The following NLGN1 variants were observed in gnomAD, a reference collection of about 807,000 sequenced individuals.
NLGN1 encodes neuroligin 1.
NLGN1 carries 12 observed loss-of-function variants against 65.5 expected under a neutral mutation model. The observed-to-expected ratio is 0.18, with a 90% CI of 0.12 to 0.30. The LOEUF (loss-of-function observed/expected upper bound fraction) is 0.30, where lower values mean the gene tolerates loss of function less well. Among genes scored for constraint, NLGN1 ranks in the 10% least tolerant of loss-of-function variants. The probability of loss-of-function intolerance (pLI) is 1.00; values close to 1 mark genes in which losing one functional copy is unlikely to be tolerated. For missense variants in NLGN1, 750 were observed against 1,007.1 expected, an observed-to-expected ratio of 0.74 and a Z score of 3.46; for synonymous variants, 350 against 359.5, an observed-to-expected ratio of 0.97 and a Z score of 0.30.
rs573764759 is a variant in NLGN1 at position 173,748,187 on chromosome 3, T to C, written c.494-59493T>C. 5.1e-4 allele frequency among the ~76,000 whole-genome samples: 78 copies of C among 152,228 alleles called. 1 individual carries two copies. Among genetic ancestry groups the C allele is most frequent in the Non-Finnish European group, 8.5e-4 (58 of 67,994 alleles). ...CAGAAATAACTGCATTGTTTTACTT[T>C]TGTTGTAAGACTCAAGAAAGATTTT... On this transcript the variant is annotated intron_variant, in intron 3 of 6. Coordinates refer to ENST00000457714, the Ensembl canonical transcript of NLGN1.
At chr3:173,508,760 A>G (rs1188694633) in intron 2 of NLGN1, among the ~76,000 whole-genome samples, 1 of 152,046 alleles carries the variant, frequency 6.6e-6, no homozygotes, top group Non-Finnish European at 1.5e-5. Context: ...TTTGCTCCCC[A>G]AGGAATACAG....
At chr3:174,275,045 G>A (rs926696772) in intron 4 of NLGN1, among the ~76,000 whole-genome samples, 4 of 151,882 alleles carry the variant, frequency 2.6e-5, no homozygotes, top group Non-Finnish European at 4.4e-5. Context: ...GAGGTTTTCA[G>A]AATGTTTGCC....
rs375931828 is a variant in NLGN1 at position 173,461,365 on chromosome 3, T to A, written c.-321+26287T>A. Among the ~76,000 whole-genome samples the A allele has an allele frequency of 3.5e-4, 53 of 152,270 alleles. 1 individual carries two copies. Among genetic ancestry groups the A allele is most frequent in the South Asian group, 1.5e-3 (7 of 4,822 alleles). On this transcript the variant is annotated intron_variant, in intron 2 of 6. Coordinates refer to ENST00000457714, the Ensembl canonical transcript of NLGN1. Reference sequence around the variant, plus strand: ...CTCCCAGACCCATTTGTTTTTATTTTTTTTTTGTTCTTGCATTAATCATGC... The same window carrying A: ...CTCCCAGACCCATTTGTTTTTATTTATTTTTTGTTCTTGCATTAATCATGC...
chr3:174,090,085 A>G (rs929413960), intron 4 of NLGN1, among the ~76,000 whole-genome samples: 16 of 152,176 alleles, frequency 1.1e-4, no homozygotes, highest in Admixed American at 2.6e-4. Context: ...TAAAAAATGT[A>G]ATCACTTTTT....
chr3:173,866,400 C>A (rs1730169189), intron 4 of NLGN1, among the ~76,000 whole-genome samples: 1 of 151,816 alleles, frequency 6.6e-6, no homozygotes, highest in South Asian at 2.1e-4. Flanking sequence ...TCTTTTCCTG[C>A]GTTATTTATT....
At chr3:174,137,676 CA>C (rs1269045256) in intron 4 of NLGN1, among the ~76,000 whole-genome samples, 2 of 152,036 alleles carry the variant, frequency 1.3e-5, no homozygotes, top group African/African-American at 4.8e-5. Flanking sequence ...TGTAAATATG[CA>C]TAATGAATCA....
At chr3:173,705,354 T>A (rs1224193479) in intron 3 of NLGN1, among the ~76,000 whole-genome samples, 1 of 152,172 alleles carries the variant, frequency 6.6e-6, no homozygotes. Flanking sequence ...GGTACTGAGA[T>A]GTTTATTTTC....
rs148883687 is a variant in NLGN1 at position 174,157,549 on chromosome 3, A to T, written c.647-117766A>T. Among the ~76,000 whole-genome samples the T allele has an allele frequency of 1.3e-4, 19 of 151,862 alleles. No homozygotes were observed. The East Asian group carries it at 3.7e-3, about 29-fold the overall frequency. ...TGACGTAACCCCCCTCCACCCAAAA[A>T]GACTAAAAGGAAACAAAATGCCTAA... On this transcript the variant is annotated intron_variant, in intron 4 of 6. Transcript: ENST00000457714.
intron 4 of NLGN1, among the ~76,000 whole-genome samples, chr3:174,089,738 A>G (rs186292968): frequency 1.5e-3 from 222 of 152,316 alleles, no homozygotes; most frequent in Non-Finnish European, 1.4e-3. Flanking sequence ...GCTTTACAGT[A>G]TTCATGTGGA....
intron 4 of NLGN1, among the ~76,000 whole-genome samples, chr3:173,884,627 C>T (rs1733977174): frequency 6.6e-6 from 1 of 152,028 alleles, no homozygotes; most frequent in Admixed American, 6.6e-5. Context: ...CTAAAAGTTT[C>T]CTACATGTGC....
intron 4 of NLGN1, among the ~76,000 whole-genome samples, chr3:173,983,233 A>G (rs1009851487): frequency 3.9e-5 from 6 of 152,192 alleles, no homozygotes; most frequent in African/African-American, 1.2e-4. Flanking sequence ...GCCATGTACT[A>G]GTCAATGCCA....
chr3:173,950,241 G>T (rs889948429), intron 4 of NLGN1, among the ~76,000 whole-genome samples: 45 of 152,140 alleles, frequency 3.0e-4, no homozygotes, highest in African/African-American at 1.0e-3. Context: ...CTTTCATTCA[G>T]CCAAGTTTGT....
chr3:173,915,161 G>C (rs1017043740), intron 4 of NLGN1, among the ~76,000 whole-genome samples: 6 of 152,190 alleles, frequency 3.9e-5, no homozygotes, highest in Non-Finnish European at 8.8e-5. Context: ...CATGATTATG[G>C]ATTGTACTTC....
intron 4 of NLGN1, among the ~76,000 whole-genome samples, chr3:173,824,656 C>CT (rs1467208307): frequency 2.6e-5 from 4 of 152,070 alleles, no homozygotes; most frequent in Admixed American, 2.0e-4. Flanking sequence ...AGTTAGATTT[C>CT]TTTTTTCTTT....
chr3:173,895,082 G>T (rs1401325688), intron 4 of NLGN1, among the ~76,000 whole-genome samples: 1 of 152,128 alleles, frequency 6.6e-6, no homozygotes. Flanking sequence ...CCGGGAGGGG[G>T]GGAGTTGTTG....
intron 3 of NLGN1, among the ~76,000 whole-genome samples, chr3:173,682,581 A>G (rs1304875196): frequency 8.2e-6 from 1 of 121,888 alleles, no homozygotes; most frequent in Admixed American, 1.0e-4. Flanking sequence ...AGAGTGAGAC[A>G]CTGTCTCAAA....
intron 4 of NLGN1, among the ~76,000 whole-genome samples, chr3:173,934,546 TA>T (rs1356014028): frequency 6.6e-6 from 1 of 151,908 alleles, no homozygotes; most frequent in African/African-American, 2.4e-5. Flanking sequence ...TTACTTTGAG[TA>T]AATATACACT....
chr3:173,616,632 G>A (rs1036690076), intron 3 of NLGN1, among the ~76,000 whole-genome samples: 2 of 152,034 alleles, frequency 1.3e-5, no homozygotes, highest in African/African-American at 2.4e-5. Context: ...GCTTACTCCC[G>A]ACATTCAGGA....
At chr3:173,502,037 A>T (rs1249146059) in intron 2 of NLGN1, among the ~76,000 whole-genome samples, 1 of 152,090 alleles carries the variant, frequency 6.6e-6, no homozygotes, top group Admixed American at 6.6e-5. Flanking sequence ...AATGCTTGTC[A>T]TGACCTAGAC....
Sources: allele counts gnomAD v4.1 joint callset (sites outside exome capture counted in the v4.1 genomes callset), GRCh38; gene constraint gnomAD v4.1.1; transcripts MANE v1.5; gene names NCBI Gene and HGNC (gene_info 2026-07-23, HGNC 2026-07-21).